RAPGEF4: variants seen among roughly 807,000 people sequenced by gnomAD.
The protein encoded by RAPGEF4 is Rap guanine nucleotide exchange factor 4.
A neutral mutation model predicts 147.9 loss-of-function variants in RAPGEF4; 66 were observed. The ratio of observed to expected loss-of-function variants is 0.45; its 90% CI spans 0.37 to 0.55. The LOEUF (loss-of-function observed/expected upper bound fraction) is 0.55. Ranked by LOEUF, RAPGEF4 falls within the 20% of genes least tolerant of loss-of-function variation. RAPGEF4 has a pLI of 0.00. For synonymous variants in RAPGEF4, 419 were observed against 442.7 expected, an observed-to-expected ratio of 0.95 and a Z score of 0.67; for missense variants, 1,071 against 1,257.3, an observed-to-expected ratio of 0.85 and a Z score of 2.24.
chr2:172,972,095 G>A (rs529059486), intron 10 of RAPGEF4, among the ~76,000 whole-genome samples: 8 of 151,082 alleles, frequency 5.3e-5, no homozygotes, highest in South Asian at 4.2e-4. Flanking sequence ...GTGGGCGGGG[G>A]TGGGGAGGGT....
rs139276423 is a variant in RAPGEF4, at chr2:172,965,556, C to T, written c.699-6C>T. ...TCCCCACCCTTTCTGTCTCACCTCT[C>T]CTTAGACAATGCTGTGTGGGAACTG... On this transcript the variant is annotated splice_region_variant and splice_polypyrimidine_tract_variant and intron_variant, in intron 8 of 30. Transcript: ENST00000397081. 1.7e-5 allele frequency: 28 copies of T among 1,613,220 alleles called. No individual in the cohort carries two copies. The highest frequency in any genetic ancestry group is 2.3e-5 in the Non-Finnish European group (27 of 1,179,178).
At chr2:172,833,076 C>T (rs1248697272) in intron 4 of RAPGEF4, among the ~76,000 whole-genome samples, 2 of 149,200 alleles carry the variant, frequency 1.3e-5, no homozygotes, top group Non-Finnish European at 3.0e-5. Flanking sequence ...TGGTAACACA[C>T]GCCTGTAATC....
chr2:172,820,945 A>G (rs1330029186), intron 4 of RAPGEF4, among the ~76,000 whole-genome samples: 1 of 152,192 alleles, frequency 6.6e-6, no homozygotes, highest in Non-Finnish European at 1.5e-5. Context: ...AAATCTTTCA[A>G]GCCACAGTGA....
At chr2:172,848,039 T>G (rs990774549) in intron 4 of RAPGEF4, among the ~76,000 whole-genome samples, 21 of 152,168 alleles carry the variant, frequency 1.4e-4, no homozygotes, top group African/African-American at 5.1e-4. Context: ...GCAGTAGCTT[T>G]CTGGGTTCCT....
intron 12 of RAPGEF4, among the ~76,000 whole-genome samples, chr2:172,986,368 G>T (rs949265358): frequency 6.6e-6 from 1 of 152,122 alleles, no homozygotes; most frequent in African/African-American, 2.4e-5. Context: ...CTTTCTTCAG[G>T]CTACATTGTA....
intron 4 of RAPGEF4, among the ~76,000 whole-genome samples, chr2:172,876,527 T>C (rs184079141): frequency 6.6e-6 from 1 of 152,280 alleles, no homozygotes; most frequent in African/African-American, 2.4e-5. Flanking sequence ...TTGTCTTTGG[T>C]TCTGTTTATA....
intron 4 of RAPGEF4, among the ~76,000 whole-genome samples, chr2:172,891,693 G>A (rs1433523928): frequency 1.3e-5 from 2 of 152,216 alleles, no homozygotes; most frequent in African/African-American, 4.8e-5. Flanking sequence ...CAAATAAACA[G>A]TGGAGTACAG....
At chr2:172,831,557 C>T (rs1690361791) in intron 4 of RAPGEF4, among the ~76,000 whole-genome samples, 1 of 151,890 alleles carries the variant, frequency 6.6e-6, no homozygotes, top group Non-Finnish European at 1.5e-5. Flanking sequence ...GCGTGAGCCA[C>T]CGTGCCTGGC....
In RAPGEF4 at chr2:172,907,763, T is replaced by C. The variant is rs376035605; in HGVS notation, c.445-10039T>C. 1.3e-5 allele frequency among the ~76,000 whole-genome samples: 2 copies of C among 152,248 alleles called. 1 individual carries two copies. Among genetic ancestry groups the C allele is most frequent in the African/African-American group, 4.8e-5 (2 of 41,536 alleles). On this transcript the variant is annotated intron_variant, in intron 4 of 30. Transcript: ENST00000397081. ...AGCTGGAGACTATCTGGTTGGAAAATATCATCAAATATACTGGGGTTCACT... is the reference window on the plus strand; with the variant it reads ...AGCTGGAGACTATCTGGTTGGAAAACATCATCAAATATACTGGGGTTCACT...
chr2:172,914,981 G>A (rs1226129641), intron 4 of RAPGEF4, among the ~76,000 whole-genome samples: 2 of 152,176 alleles, frequency 1.3e-5, no homozygotes, highest in Non-Finnish European at 2.9e-5. Context: ...AAATAATTTA[G>A]AAATCCCAAT....
intron 4 of RAPGEF4, among the ~76,000 whole-genome samples, chr2:172,850,216 A>C (rs1209474338): frequency 6.6e-6 from 1 of 152,234 alleles, no homozygotes; most frequent in African/African-American, 2.4e-5. Flanking sequence ...GTTTAAAGGA[A>C]ACAAAGGAAA....
chr2:173,022,821 A>G (rs891656507), intron 23 of RAPGEF4, among the ~76,000 whole-genome samples: 1 of 152,254 alleles, frequency 6.6e-6, no homozygotes, highest in Non-Finnish European at 1.5e-5. Context: ...TTAAGGGTTC[A>G]GATTCTGAAA....
At chr2:172,884,460 T>A (rs1696961164) in intron 4 of RAPGEF4, among the ~76,000 whole-genome samples, 1 of 152,244 alleles carries the variant, frequency 6.6e-6, no homozygotes, top group Non-Finnish European at 1.5e-5. Context: ...GATTCAGTTT[T>A]GCTTGAAGAA....
intron 4 of RAPGEF4, among the ~76,000 whole-genome samples, chr2:172,878,980 A>G (rs1197419897): frequency 6.6e-6 from 1 of 152,158 alleles, no homozygotes; most frequent in African/African-American, 2.4e-5. Flanking sequence ...TATTAGTTAC[A>G]TTTTGCAGTT....
intron 5 of RAPGEF4, among the ~76,000 whole-genome samples, chr2:172,922,004 A>G (rs1238727710): frequency 2.0e-5 from 3 of 152,212 alleles, no homozygotes; most frequent in African/African-American, 7.2e-5. Flanking sequence ...TGAATCAGTG[A>G]TGGGTATTTA....
chr2:172,821,255 G>A (rs1026233165), intron 4 of RAPGEF4, among the ~76,000 whole-genome samples: 1 of 152,164 alleles, frequency 6.6e-6, no homozygotes, highest in African/African-American at 2.4e-5. Flanking sequence ...ATGGGCTTGG[G>A]TATTGAGTTA....
chr2:172,900,915 G>T (rs151237539), intron 4 of RAPGEF4, among the ~76,000 whole-genome samples: 220 of 151,912 alleles, frequency 1.4e-3, no homozygotes, highest in Non-Finnish European at 2.4e-3. Flanking sequence ...TGTAATTAAG[G>T]TTCTTTTTTT....
chr2:172,969,228 T>G (rs1690200255), intron 10 of RAPGEF4, among the ~76,000 whole-genome samples: 1 of 152,252 alleles, frequency 6.6e-6, no homozygotes, highest in Non-Finnish European at 1.5e-5. Context: ...GTTCATTTAT[T>G]GAGTACCTAC....
At chr2:172,803,253 G>A (rs2149572227) in intron 3 of RAPGEF4, among the ~76,000 whole-genome samples, 1 of 152,302 alleles carries the variant, frequency 6.6e-6, no homozygotes, top group African/African-American at 2.4e-5. Flanking sequence ...AAGCCCTGCA[G>A]CAAACTTCTG....
Sources: allele counts gnomAD v4.1 joint callset (sites outside exome capture counted in the v4.1 genomes callset), GRCh38; gene constraint gnomAD v4.1.1; transcripts MANE v1.5; gene names NCBI Gene and HGNC (gene_info 2026-07-23, HGNC 2026-07-21).